Variants in PALM2AKAP2 observed in about 807,000 individuals in gnomAD.
The protein encoded by PALM2AKAP2 is PALM2 and AKAP2 fusion, also known as PALM2-AKAP2 fusion protein.
PALM2AKAP2 carries 37 observed loss-of-function variants against 71.5 expected under a neutral mutation model. The observed-to-expected ratio is 0.52, with a 90% CI of 0.40 to 0.68. The LOEUF is 0.68. Ranked by LOEUF, PALM2AKAP2 falls within the 30% of genes least tolerant of loss-of-function variation. The probability of loss-of-function intolerance (pLI) is 0.00; values close to 1 mark genes in which losing one functional copy is unlikely to be tolerated. For missense variants in PALM2AKAP2, 1,224 were observed against 1,191.8 expected (o/e 1.03, Z -0.40); for synonymous variants, 468 against 478.8 (o/e 0.98, Z 0.29).
At chr9:109,885,507 G>A (rs562838197) in intron 3 of PALM2AKAP2, among the ~76,000 whole-genome samples, 1 of 152,140 alleles carries the variant, frequency 6.6e-6, no homozygotes, top group Non-Finnish European at 1.5e-5. Flanking sequence ...AAGAATGATT[G>A]CAGTAAATGG....
At chr9:109,792,898 A>T (rs902469805) in intron 1 of PALM2AKAP2, among the ~76,000 whole-genome samples, 1 of 152,216 alleles carries the variant, frequency 6.6e-6, no homozygotes, top group African/African-American at 2.4e-5. Context: ...ATTCACATTT[A>T]ACAGGACATT....
At chr9:109,822,841 G>A (rs540947197) in intron 1 of PALM2AKAP2, among the ~76,000 whole-genome samples, 1 of 152,330 alleles carries the variant, frequency 6.6e-6, no homozygotes, top group East Asian at 1.9e-4. Flanking sequence ...GTGTGCATGT[G>A]TCTTTATGGT....
intron 1 of PALM2AKAP2, among the ~76,000 whole-genome samples, chr9:109,661,408 T>G (rs1371539638): frequency 2.0e-5 from 3 of 152,250 alleles, no homozygotes; most frequent in Admixed American, 1.3e-4. Flanking sequence ...CAGCACCATT[T>G]ATTTAATAGG....
rs553956913 is a variant in PALM2AKAP2 at position 109,812,376 on chromosome 9, AAAGGG to A, written c.45+31847_45+31851del. ...AGAGGCAGCAGAAGTAGCCCAGATG[AAAGGG>A]AAGAACCTGGGTTGGTCTCTTTGCT... On this transcript the variant is annotated intron_variant, in intron 1 of 9. Coordinates refer to the PALM2AKAP2 transcript ENST00000302798. 3.8e-4 allele frequency among the ~76,000 whole-genome samples: 58 copies of A among 152,190 alleles called. 1 individual carries two copies. The highest frequency in any genetic ancestry group is 1.3e-3 in the African/African-American group (55 of 41,530).
intron 2 of PALM2AKAP2, among the ~76,000 whole-genome samples, chr9:110,147,248 C>CAAA (rs59763270): frequency 5.6e-5 from 6 of 108,046 alleles, no homozygotes; most frequent in Non-Finnish European, 1.1e-4. Context: ...GACTCTGTCT[C>CAAA]AAAAAAAAAA....
Position 109,970,671 on chromosome 9 carries a change from G to A in PALM2AKAP2, c.496+38643G>A, listed in dbSNP as rs185465518. Reference sequence around the variant, plus strand: ...CACTTACTGCCTTGACCCAGGATGAGTTAATAGCTCACAGCCTCAGTTTAC... The same window carrying A: ...CACTTACTGCCTTGACCCAGGATGAATTAATAGCTCACAGCCTCAGTTTAC... On this transcript the variant is annotated intron_variant, in intron 6 of 9. Transcript: ENST00000302798. Among the ~76,000 whole-genome samples, 151 of 152,354 alleles carry A rather than the reference G, an allele frequency of 9.9e-4. 1 individual carries two copies. The highest frequency in any genetic ancestry group is 1.7e-3 in the South Asian group (8 of 4,826).
At chr9:109,718,591 G>A (rs1334198146) in intron 1 of PALM2AKAP2, among the ~76,000 whole-genome samples, 1 of 151,690 alleles carries the variant, frequency 6.6e-6, no homozygotes, top group Non-Finnish European at 1.5e-5. Flanking sequence ...CTTTATTTTG[G>A]AGTAATACTA....
intron 7 of PALM2AKAP2, among the ~76,000 whole-genome samples, chr9:110,042,883 T>C (rs1415461612): frequency 6.6e-6 from 1 of 152,206 alleles, no homozygotes; most frequent in Non-Finnish European, 1.5e-5. Flanking sequence ...ACCTCCCCAG[T>C]ATTTTTCTTT....
chr9:110,167,814 T>C (rs1375546232), intron 3 of PALM2AKAP2, among the ~76,000 whole-genome samples: 1 of 152,214 alleles, frequency 6.6e-6, no homozygotes, highest in Non-Finnish European at 1.5e-5. Flanking sequence ...TCCCATTGTT[T>C]GGAATTATTT....
At chr9:109,856,476 C>A (rs906081146) in intron 1 of PALM2AKAP2, among the ~76,000 whole-genome samples, 1 of 152,180 alleles carries the variant, frequency 6.6e-6, no homozygotes, top group Non-Finnish European at 1.5e-5. Flanking sequence ...GAATAAAAGA[C>A]CCCAACTTAT....
At chr9:110,106,154 A>G (rs1835116844) in intron 1 of PALM2AKAP2, among the ~76,000 whole-genome samples, 2 of 152,208 alleles carry the variant, frequency 1.3e-5, no homozygotes, top group South Asian at 2.1e-4. Flanking sequence ...TTTAGCGAAC[A>G]TGATTTTGTA....
At chr9:109,951,103 A>G (rs1831629317) in intron 6 of PALM2AKAP2, among the ~76,000 whole-genome samples, 1 of 152,230 alleles carries the variant, frequency 6.6e-6, no homozygotes, top group African/African-American at 2.4e-5. Flanking sequence ...AGGAGAGTCA[A>G]AATCATACAG....
upstream of PALM2AKAP2, among the ~76,000 whole-genome samples, chr9:109,776,028 A>T (rs1057433917): frequency 3.9e-5 from 6 of 152,362 alleles, no homozygotes; most frequent in Middle Eastern, 0.014. Context: ...TACATACATT[A>T]TGCATCATTG....
intron 1 of PALM2AKAP2, among the ~76,000 whole-genome samples, chr9:109,698,266 T>C (rs139602230): frequency 0.021 from 3,189 of 150,116 alleles, 54 homozygotes; most frequent in Middle Eastern, 0.062. Flanking sequence ...CCTGCATGTG[T>C]GCTACATTTT....
intron 1 of PALM2AKAP2, among the ~76,000 whole-genome samples, chr9:109,662,381 T>G (rs1040760083): frequency 3.9e-5 from 6 of 152,222 alleles, no homozygotes; most frequent in African/African-American, 1.4e-4. Context: ...CCTGAAGCGC[T>G]GTTGAATTTT....
rs143325119 is a variant in PALM2AKAP2 at position 109,942,727 on chromosome 9, A to T, written c.496+10699A>T. ...AATTAATGTGGAGAAAGACAAACAA[A>T]CAGGAGAGACCAAGATTCTCTCTAC... On this transcript the variant is annotated intron_variant, in intron 6 of 9. Coordinates refer to the PALM2AKAP2 transcript ENST00000302798. 2.9e-5 allele frequency: 46 copies of T among 1,607,910 alleles called. No individual in the cohort carries two copies. In the African/African-American group the frequency reaches 4.7e-4, roughly 16 times the overall value.
intron 1 of PALM2AKAP2, among the ~76,000 whole-genome samples, chr9:110,068,035 G>GT (rs1834120296): frequency 6.8e-6 from 1 of 147,296 alleles, no homozygotes; most frequent in South Asian, 2.1e-4. Flanking sequence ...CATTTAGCAA[G>GT]TAAGAATTTC....
At chr9:110,062,917 G>A (rs1209832650) in intron 1 of PALM2AKAP2, among the ~76,000 whole-genome samples, 5 of 152,102 alleles carry the variant, frequency 3.3e-5, no homozygotes, top group Admixed American at 2.6e-4. Flanking sequence ...CCTATATTTT[G>A]CCCACAGGGA....
chr9:110,142,393 C>A (rs1001734345), intron 2 of PALM2AKAP2, among the ~76,000 whole-genome samples: 4 of 152,146 alleles, frequency 2.6e-5, no homozygotes, highest in Admixed American at 2.6e-4. Context: ...GCACCTGGCC[C>A]TTATTTGACT....
Sources: gnomAD v4.1 joint callset for allele counts (sites outside exome capture counted in the v4.1 genomes callset) on GRCh38, gnomAD v4.1.1 for gene constraint, MANE v1.5 for transcripts, NCBI Gene and HGNC (gene_info 2026-07-23, HGNC 2026-07-21) for gene names.